The following FGFR1 variants were observed in gnomAD, a reference collection of about 807,000 sequenced individuals.
The protein encoded by FGFR1 is fibroblast growth factor receptor 1.
In FGFR1, 18 loss-of-function variants were observed where a neutral mutation model predicts 93.7. The ratio of observed to expected loss-of-function variants is 0.19; its 90% CI spans 0.13 to 0.28. The LOEUF is 0.28. Among genes scored for constraint, FGFR1 ranks in the 10% least tolerant of loss-of-function variants. The pLI is 1.00. For synonymous variants in FGFR1, 448 were observed against 429.3 expected, an observed-to-expected ratio of 1.04 and a Z score of -0.54; for missense variants, 731 against 1,080.4, an observed-to-expected ratio of 0.68 and a Z score of 4.53.
In FGFR1 at chr8:38,414,322, A is replaced by C. The variant is rs1443772049; in HGVS notation, c.2049-33T>G. ...TGGGCGGAGAGCCACAGGGTGTTAG[A>C]GCTTCTCCGCCTCCCCTCCCCCAGC... On this transcript the variant is annotated intron_variant, in intron 15 of 17. Coordinates refer to ENST00000447712, the MANE Select transcript of FGFR1 (RefSeq NM_023110.3). 3 of 1,613,904 alleles carry C rather than the reference A, an allele frequency of 1.9e-6. No homozygotes were observed. In the Admixed American group the frequency reaches 5.0e-5, roughly 27 times the overall value.
rs749903780 is a variant in FGFR1 at position 38,418,316 on chromosome 8, G to A, written c.1342C>T (p.Arg448Trp). 12 of 1,614,178 alleles carry A rather than the reference G, an allele frequency of 7.4e-6. No homozygotes were observed. Among genetic ancestry groups the A allele is most frequent in the South Asian group, 1.1e-5 (1 of 91,090 alleles). ...ATGGGAGTCCCACTGGAGGAGAGCC[G>A]TGATGGCCGAACCAGAAGAACCCCA... The part of the protein sequence containing the change: ...NSGVLLVRPS[R>W]LSSSGTPMLA... The change falls in exon 10 of 18, where the codon CGG becomes TGG. Residue 448 changes from arginine to tryptophan, a missense_variant. Physicochemically the swap from Arg to Trp is moderately radical, Grantham distance 101. Transcript: ENST00000447712.
intron 2 of FGFR1, among the ~76,000 whole-genome samples, chr8:38,438,469 GGAGGCA>G (rs1210001984): frequency 2.0e-5 from 3 of 151,620 alleles, no homozygotes; most frequent in African/African-American, 7.3e-5. Context: ...CTTGAACCTA[GGAGGCA>G]GAGGTTGCAG....
chr8:38,421,233 A>G (rs1049669773), intron 8 of FGFR1, among the ~76,000 whole-genome samples: 29 of 152,166 alleles, frequency 1.9e-4, no homozygotes, highest in African/African-American at 6.3e-4. Context: ...AACAGGATAC[A>G]TGGACATCGT....
rs1444445432 is a variant in FGFR1, at chr8:38,430,218, T to C, written c.92-270A>G. On this transcript the variant is annotated intron_variant, in intron 2 of 17. Coordinates refer to ENST00000447712, the MANE Select transcript of FGFR1 (RefSeq NM_023110.3). ...GAAAGAGGCAAAGTTAGGAAGCAGC[T>C]GTAGCAGCATTAAGCGCATTTCATT... 1.8e-5 allele frequency: 9 copies of C among 498,462 alleles called. 1 individual carries two copies. The highest frequency in any genetic ancestry group is 2.1e-5 in the Non-Finnish European group (6 of 288,160). 30.9% of individuals were successfully genotyped at this position (498,462 alleles called of 1,614,324 possible).
In FGFR1 at chr8:38,457,400, G is replaced by C. The variant is rs200596591; in HGVS notation, c.47C>G (p.Ala16Gly). ...CLLFWAVLVT[A>G]TLCTARPSPT... ...GGACGGCCTAGCGGTGCAGAGTGTG[G>C]CTGTGACCAGCACAGCCCAGAAGAG... The change falls in exon 2 of 18, where the codon GCC becomes GGC. Residue 16 changes from alanine (A) to glycine (G), a missense_variant. Physicochemically the swap from Ala to Gly is moderately conservative, Grantham distance 60. This residue lies in a region of FGFR1 where 212 missense variants were observed against 205.8 expected (regional missense o/e 1.03). Transcript: ENST00000447712. The C allele has an allele frequency of 1.9e-6, 3 of 1,613,876 alleles. No homozygotes were observed. The highest frequency in any genetic ancestry group is 2.5e-6 in the Non-Finnish European group (3 of 1,179,996).
intron 1 of FGFR1, among the ~76,000 whole-genome samples, chr8:38,462,739 G>T (rs1834687784): frequency 6.6e-6 from 1 of 151,740 alleles, no homozygotes; most frequent in African/African-American, 2.4e-5. Flanking sequence ...AAGTAGCTGG[G>T]ATTACAGACA....
rs1192318465 is a variant in FGFR1 at position 38,467,997 on chromosome 8, G to A, written c.-105C>T. The A allele has an allele frequency of 2.3e-5, 5 of 219,446 alleles. No individual in the cohort carries two copies. Among genetic ancestry groups the A allele is most frequent in the African/African-American group, 4.5e-5 (2 of 44,510 alleles). 13.6% of individuals were successfully genotyped at this position (219,446 alleles called of 1,614,324 possible). On this transcript the variant is annotated 5_prime_UTR_variant, in exon 1 of 18. Coordinates refer to ENST00000447712, the MANE Select transcript of FGFR1 (RefSeq NM_023110.3). ...GGCTCTTACCTCGCTCGGCGTGGAGGTTCCGCCTCGGGAGAGTCCGCCGTG... is the reference window on the plus strand; with the variant it reads ...GGCTCTTACCTCGCTCGGCGTGGAGATTCCGCCTCGGGAGAGTCCGCCGTG...
At chr8:38,466,955 T>C (rs987055682) in intron 1 of FGFR1, among the ~76,000 whole-genome samples, 3 of 149,760 alleles carry the variant, frequency 2.0e-5, no homozygotes, top group East Asian at 4.0e-4. Flanking sequence ...GTGTGTTCTA[T>C]ATGAACCCCC....
At chr8:38,422,150 A>G (rs1819034291) in intron 7 of FGFR1, 5 of 594,928 alleles carry the variant, frequency 8.4e-6, no homozygotes, top group Admixed American at 2.7e-5. Context: ...ACTCCGGCAG[A>G]CCTGAGAAGA....
chr8:38,456,177 C>T (rs1316568287), intron 2 of FGFR1, among the ~76,000 whole-genome samples: 1 of 152,210 alleles, frequency 6.6e-6, no homozygotes, highest in African/African-American at 2.4e-5. Flanking sequence ...CCATCACGCG[C>T]ACCTCCAACC....
rs1379396830 is a variant in FGFR1, at chr8:38,415,963, G to A, written c.1761C>T (p.Pro587=). ...RPPGLEYCYN[P]SHNPEEQLSS... The stretch of plus-strand genomic sequence containing the variant: ...AGAGCTGCTCCTCTGGGTTGTGGCT[G>A]GGGTTGTAGCAGTATTCCAGCCCTG... Residue 587 remains proline, a synonymous_variant, in exon 13 of 18, where the codon CCC becomes CCT. Coordinates refer to ENST00000447712, the MANE Select transcript of FGFR1 (RefSeq NM_023110.3). 6.2e-7 allele frequency: 1 copy of A among 1,614,028 alleles called. No homozygotes were observed. The highest frequency in any genetic ancestry group is 1.3e-5 in the African/African-American group (1 of 74,930).
At chr8:38,446,145 C>A (rs1204084716) in intron 2 of FGFR1, among the ~76,000 whole-genome samples, 1 of 151,450 alleles carries the variant, frequency 6.6e-6, no homozygotes, top group Non-Finnish European at 1.5e-5. Flanking sequence ...GATCACTTCC[C>A]TGTTCACATC....
rs896028395 is a variant in FGFR1, at chr8:38,468,057, C to T, written c.-165G>A. 9.0e-6 allele frequency: 2 copies of T among 223,432 alleles called. No homozygotes were observed. Among genetic ancestry groups the T allele is most frequent in the Admixed American group, 5.7e-5 (1 of 17,398 alleles). 13.8% of individuals were successfully genotyped at this position (223,432 alleles called of 1,614,324 possible). On this transcript the variant is annotated 5_prime_UTR_variant, in exon 1 of 18. Coordinates refer to ENST00000447712, the MANE Select transcript of FGFR1 (RefSeq NM_023110.3). Reference sequence around the variant, plus strand: ...AGCGGGCGTGTGCCCGCGTCCCCGGCTCCGGCCCGCCGCCCCCGGGCTCTG... The same window carrying T: ...AGCGGGCGTGTGCCCGCGTCCCCGGTTCCGGCCCGCCGCCCCCGGGCTCTG...
intron 7 of FGFR1, chr8:38,423,513 G>T (rs745617425): frequency 2.6e-5 from 7 of 272,326 alleles, no homozygotes; most frequent in Non-Finnish European, 4.9e-5. Context: ...GTAGAGATGG[G>T]GTTTCACCAT....
At chr8:38,414,090 C>T (rs2150527229) in intron 16 of FGFR1, 62 bp downstream of exon 16, 5 of 1,614,012 alleles carry the variant, frequency 3.1e-6, no homozygotes, top group Non-Finnish European at 4.2e-6. Context: ...AGCCCCCTGC[C>T]CCTCAAGCCC....
chr8:38,440,518 G>T (rs1351874408), intron 2 of FGFR1: 1 of 567,506 alleles, frequency 1.8e-6, no homozygotes, highest in African/African-American at 1.9e-5. Flanking sequence ...AGCAGGGCCT[G>T]ACACCCAGGG....
In FGFR1 at chr8:38,429,719, C is replaced by T. The variant is rs200846866; in HGVS notation, c.321G>A (p.Ser107=). 57 of 1,576,116 alleles carry T rather than the reference C, an allele frequency of 3.6e-5. No homozygotes were observed. In the Admixed American group the frequency reaches 5.0e-4, roughly 14 times the overall value. The change falls in exon 3 of 18, where the codon TCG becomes TCA. Residue 107 remains serine (S), a synonymous_variant. Transcript: ENST00000447712. The surrounding 1 kb of genome is among the most constrained non-coding windows in gnomAD (Gnocchi z 4.4). ...GLYACVTSSP[S]GSDTTYFSVN... ...CGGAGAAGTAGGTGGTGTCACTGCC[C>T]GAGGGGCTGCTGGTTACGCAAGCAT...
intron 2 of FGFR1, among the ~76,000 whole-genome samples, chr8:38,444,668 T>C (rs1828743455): frequency 6.6e-6 from 1 of 150,874 alleles, no homozygotes; most frequent in African/African-American, 2.4e-5. Context: ...CTGGGATTAC[T>C]GGCATGAGCC....
At chr8:38,439,755 T>C (rs556246878) in intron 2 of FGFR1, among the ~76,000 whole-genome samples, 2 of 152,298 alleles carry the variant, frequency 1.3e-5, no homozygotes, top group East Asian at 1.9e-4. Flanking sequence ...TCTCCATCAC[T>C]TTCCTAGGCC....
Sources: allele counts gnomAD v4.1 joint callset (sites outside exome capture counted in the v4.1 genomes callset), GRCh38; gene constraint gnomAD v4.1.1; regional missense constraint gnomAD v4.1.1; non-coding constraint Gnocchi (gnomAD v3.1); transcripts MANE v1.5; gene names NCBI Gene and HGNC (gene_info 2026-07-23, HGNC 2026-07-21).